Variants in RBFOX1 observed in about 807,000 individuals in gnomAD.
RBFOX1 encodes RNA binding protein fox-1 homolog 1.
Under a neutral mutation model 57.7 loss-of-function variants are expected in RBFOX1, and 8 were observed. The ratio of observed to expected loss-of-function variants is 0.14; its 90% CI spans 0.08 to 0.25. The LOEUF (loss-of-function observed/expected upper bound fraction) is 0.25. Ranked by LOEUF, RBFOX1 falls within the 10% of genes least tolerant of loss-of-function variation. The pLI, the probability that RBFOX1 is intolerant of heterozygous loss-of-function variation, is 1.00. For missense variants in RBFOX1, 611 were observed against 548.5 expected, an observed-to-expected ratio of 1.11 and a Z score of -1.14; for synonymous variants, 326 against 222.4, an observed-to-expected ratio of 1.47 and a Z score of -4.15.
chr16:6,023,719 C>T (rs1367220886), intron 1 of RBFOX1, among the ~76,000 whole-genome samples: 1 of 152,212 alleles, frequency 6.6e-6, no homozygotes, highest in Non-Finnish European at 1.5e-5. Context: ...GCATCATCCA[C>T]AAATTAATAC....
At chr16:6,919,680 A>G (rs929225140) in intron 3 of RBFOX1, among the ~76,000 whole-genome samples, 4 of 152,126 alleles carry the variant, frequency 2.6e-5, no homozygotes, top group Admixed American at 6.6e-5. Context: ...ATCCAGATCC[A>G]TAAGACATTG....
At chr16:7,551,082 G>A (rs1385994499) in intron 5 of RBFOX1, among the ~76,000 whole-genome samples, 17 of 121,478 alleles carry the variant, frequency 1.4e-4, no homozygotes, top group African/African-American at 4.1e-4. Flanking sequence ...CAACAAGAGC[G>A]AGACTCAAAA....
intron 2 of RBFOX1, among the ~76,000 whole-genome samples, chr16:5,556,332 G>A (rs2045675015): frequency 6.6e-6 from 1 of 152,182 alleles, no homozygotes; most frequent in Admixed American, 6.5e-5. Context: ...CTCTGGTGGG[G>A]CCTTGCCTAC....
intron 4 of RBFOX1, among the ~76,000 whole-genome samples, chr16:7,117,926 G>A (rs537614046): frequency 6.6e-6 from 1 of 152,300 alleles, no homozygotes; most frequent in South Asian, 2.1e-4. Flanking sequence ...GGTGGAGAGA[G>A]AGACAGAGAC....
At chr16:7,413,971 G>C (rs1033055918) in intron 4 of RBFOX1, among the ~76,000 whole-genome samples, 1 of 152,186 alleles carries the variant, frequency 6.6e-6, no homozygotes, top group African/African-American at 2.4e-5. Context: ...CAAGGAGATG[G>C]TTCTCAGATG....
intron 3 of RBFOX1, among the ~76,000 whole-genome samples, chr16:6,703,151 A>G (rs1353808752): frequency 1.3e-5 from 2 of 152,098 alleles, no homozygotes; most frequent in Non-Finnish European, 2.9e-5. Context: ...GTTTTGTTAT[A>G]TCATGTTTTG....
intron 1 of RBFOX1, among the ~76,000 whole-genome samples, chr16:5,328,312 G>T (rs2341516): frequency 1.3e-5 from 2 of 152,106 alleles, no homozygotes; most frequent in African/African-American, 2.4e-5. Context: ...GAGACTGCAA[G>T]GATGCATGCA....
chr16:6,621,823 C>T (rs981520832), intron 2 of RBFOX1, among the ~76,000 whole-genome samples: 2 of 152,144 alleles, frequency 1.3e-5, no homozygotes, highest in Non-Finnish European at 2.9e-5. Flanking sequence ...TTAAAGACCA[C>T]ACACATCACA....
chr16:6,427,419 C>G (rs913618920), intron 2 of RBFOX1, among the ~76,000 whole-genome samples: 5 of 152,170 alleles, frequency 3.3e-5, no homozygotes, highest in Admixed American at 3.3e-4. Context: ...GTTCTGAACG[C>G]TGAGCATGGC....
In RBFOX1 at chr16:5,779,466, A is replaced by T. The variant is rs952441840; in HGVS notation, c.319-87837A>T. Among the ~76,000 whole-genome samples the T allele has an allele frequency of 2.0e-5, 3 of 152,272 alleles. No homozygotes were observed. The East Asian group carries it at 5.8e-4, about 29-fold the overall frequency. ...TTTCTTTCTGACTGCATTATATTAC[A>T]TGACTTATTGAGCCATTTATCTCAT... On this transcript the variant is annotated intron_variant, in intron 3 of 19. Transcript: ENST00000641259.
At chr16:6,103,213 G>T (rs555542412) in intron 1 of RBFOX1, among the ~76,000 whole-genome samples, 1 of 152,156 alleles carries the variant, frequency 6.6e-6, no homozygotes, top group Admixed American at 6.5e-5. Flanking sequence ...GAGGCTTGGG[G>T]TCTGAACCCT....
intron 4 of RBFOX1, among the ~76,000 whole-genome samples, chr16:7,419,010 T>G (rs928238061): frequency 6.6e-6 from 1 of 152,174 alleles, no homozygotes; most frequent in Non-Finnish European, 1.5e-5. Context: ...GCTCATGCTT[T>G]CCTCACACTT....
chr16:6,270,486 T>C (rs539832140), intron 1 of RBFOX1, among the ~76,000 whole-genome samples: 7 of 140,900 alleles, frequency 5.0e-5, no homozygotes, highest in African/African-American at 1.8e-4. Context: ...CAACTAGAAA[T>C]AGAGACGATA....
intron 3 of RBFOX1, among the ~76,000 whole-genome samples, chr16:6,789,627 C>T (rs2154246750): frequency 6.6e-6 from 1 of 152,294 alleles, no homozygotes. Context: ...GCATAAAAGG[C>T]ATTTTTACAT....
At chr16:5,508,218 C>G (rs896415699) in intron 2 of RBFOX1, among the ~76,000 whole-genome samples, 44 of 152,224 alleles carry the variant, frequency 2.9e-4, no homozygotes, top group African/African-American at 9.4e-4. Flanking sequence ...GACTGCAATG[C>G]AGGCATTGGC....
At chr16:6,586,051 T>C (rs1217633505) in intron 2 of RBFOX1, among the ~76,000 whole-genome samples, 3 of 152,228 alleles carry the variant, frequency 2.0e-5, no homozygotes, top group Non-Finnish European at 4.4e-5. Flanking sequence ...ACTAGCTGTA[T>C]TTAATAGTGA....
chr16:5,430,391 G>GA (rs1304530786), intron 1 of RBFOX1, among the ~76,000 whole-genome samples: 1 of 152,208 alleles, frequency 6.6e-6, no homozygotes, highest in Admixed American at 6.5e-5. Flanking sequence ...AGGCATTTGA[G>GA]AAACAGTGGG....
intron 3 of RBFOX1, among the ~76,000 whole-genome samples, chr16:6,860,357 G>T (rs578104626): frequency 6.6e-6 from 1 of 152,256 alleles, no homozygotes; most frequent in African/African-American, 2.4e-5. Flanking sequence ...TATTTGGGAA[G>T]CATCTTGGAA....
intron 2 of RBFOX1, among the ~76,000 whole-genome samples, chr16:5,577,241 A>G (rs1222982341): frequency 6.6e-6 from 1 of 152,218 alleles, no homozygotes; most frequent in African/African-American, 2.4e-5. Flanking sequence ...ATCTAAGAAC[A>G]AGCAGACTCC....
Sources: gnomAD v4.1 joint callset for allele counts (sites outside exome capture counted in the v4.1 genomes callset) on GRCh38, gnomAD v4.1.1 for gene constraint, MANE v1.5 for transcripts, NCBI Gene and HGNC (gene_info 2026-07-23, HGNC 2026-07-21) for gene names.